Variants in AGAP1 observed in about 807,000 individuals in gnomAD.
The protein encoded by AGAP1 is ArfGAP with GTPase domain, ankyrin repeat and PH domain 1.
In AGAP1, 29 loss-of-function variants were observed where a neutral mutation model predicts 105.3. The observed-to-expected ratio is 0.28, with a 90% CI of 0.21 to 0.38. The LOEUF is 0.38. Among genes scored for constraint, AGAP1 ranks in the 10% least tolerant of loss-of-function variants. The pLI, the probability that AGAP1 is intolerant of heterozygous loss-of-function variation, is 1.00. For missense variants in AGAP1, 998 were observed against 1,165.1 expected (o/e 0.86, Z 2.09); for synonymous variants, 509 against 485.9 (o/e 1.05, Z -0.63).
In AGAP1 at chr2:235,901,869, A is replaced by G. The variant is rs960535123; in HGVS notation, c.1156-6869A>G. On this transcript the variant is annotated intron_variant, in intron 10 of 17. Transcript: ENST00000304032. The surrounding 1 kb of genome is among the most constrained non-coding windows in gnomAD (Gnocchi z 4.3). ...ACTCCAGCCTGGGCGACAGAGTGAGACTCCGTCTCGGAAAAAAAAAAAAAA... is the reference window on the plus strand; with the variant it reads ...ACTCCAGCCTGGGCGACAGAGTGAGGCTCCGTCTCGGAAAAAAAAAAAAAA... Among the ~76,000 whole-genome samples, 10 of 127,650 alleles carry G rather than the reference A, an allele frequency of 7.8e-5. No homozygotes were observed. The South Asian group carries it at 9.4e-4, about 12-fold the overall frequency. 83.7% of individuals were successfully genotyped at this position (127,650 alleles called of 152,430 possible). A position where few individuals can be genotyped will look rare whatever the true frequency, so the allele number is the denominator to read the frequency against.
chr2:236,037,751 C>A (rs1438565889), intron 14 of AGAP1, among the ~76,000 whole-genome samples: 1 of 152,144 alleles, frequency 6.6e-6, no homozygotes, highest in Non-Finnish European at 1.5e-5. Flanking sequence ...GTTCCTTCTA[C>A]AAAAGTCCTT....
chr2:235,958,948 T>G lies in AGAP1; in HGVS notation c.1484-9514T>G, dbSNP rs116764591. On this transcript the variant is annotated intron_variant, in intron 12 of 17. Transcript: ENST00000304032. The surrounding 1 kb of genome is among the most constrained non-coding windows in gnomAD (Gnocchi z 4.1). Reference sequence around the variant, plus strand: ...ATTATTGCTCGTATTATATATTTTTTGGGGTGTGCGTTGAACATTGATGCC... The same window carrying G: ...ATTATTGCTCGTATTATATATTTTTGGGGGTGTGCGTTGAACATTGATGCC... Among the ~76,000 whole-genome samples, 29 of 152,326 alleles carry G rather than the reference T, an allele frequency of 1.9e-4. No individual in the cohort carries two copies. Among genetic ancestry groups the G allele is most frequent in the African/African-American group, 5.8e-4 (24 of 41,584 alleles).
chr2:235,741,223 A>AT lies in AGAP1; in HGVS notation c.396+182dup, dbSNP rs1200112690. Among the ~76,000 whole-genome samples, 2 of 151,586 alleles carry AT rather than the reference A, an allele frequency of 1.3e-5. No individual in the cohort carries two copies. The highest frequency in any genetic ancestry group is 2.9e-5 in the Non-Finnish European group (2 of 67,878). On this transcript the variant is annotated intron_variant, in intron 4 of 17. Coordinates refer to ENST00000304032, the MANE Select transcript of AGAP1 (RefSeq NM_001037131.3). The surrounding 1 kb of genome is among the most constrained non-coding windows in gnomAD (Gnocchi z 4.9). ...TCTCTAAGAAGCTAATTCTTTTTTT[A>AT]TTTTTTTCCCAGACTAAATCCTGCA...
Position 236,123,718 on chromosome 2 carries a change from T to A in AGAP1, c.2371-201T>A, listed in dbSNP as rs553570655. Among the ~76,000 whole-genome samples, 1 of 152,190 alleles carries A rather than the reference T, an allele frequency of 6.6e-6. No individual in the cohort carries two copies. The highest frequency in any genetic ancestry group is 2.1e-4 in the South Asian group (1 of 4,808). ...GGCTTTCAGTTGAAAAAAAAAGACA[T>A]GTTCTTTCCTTAAAAGAATCCGCTG... On this transcript the variant is annotated intron_variant, in intron 17 of 17. Transcript: ENST00000304032. The surrounding 1 kb of genome is among the most constrained non-coding windows in gnomAD (Gnocchi z 4.6).
intron 12 of AGAP1, among the ~76,000 whole-genome samples, chr2:235,943,986 TCA>T (rs2053381188): frequency 1.3e-5 from 2 of 152,326 alleles, no homozygotes; most frequent in South Asian, 4.1e-4. Context: ...AAATTTTATA[TCA>T]CACAGAAGCA....
Position 235,701,117 on chromosome 2 carries a change from A to G in AGAP1, c.164-8062A>G, listed in dbSNP as rs1215226141. 1.4e-5 allele frequency among the ~76,000 whole-genome samples: 2 copies of G among 147,488 alleles called. No homozygotes were observed. Among genetic ancestry groups the G allele is most frequent in the East Asian group, 2.0e-4 (1 of 5,110 alleles). ...TACTCTATAATATAGTTATATGTACATATTATATATTATGTATATATGATA... is the reference window on the plus strand; with the variant it reads ...TACTCTATAATATAGTTATATGTACGTATTATATATTATGTATATATGATA... On this transcript the variant is annotated intron_variant, in intron 1 of 17. Coordinates refer to ENST00000304032, the MANE Select transcript of AGAP1 (RefSeq NM_001037131.3). The surrounding 1 kb of genome is among the most constrained non-coding windows in gnomAD (Gnocchi z 4.1).
Position 236,055,781 on chromosome 2 carries a change from AC to A in AGAP1, c.2114+6501del, listed in dbSNP as rs949485816. Among the ~76,000 whole-genome samples the A allele has an allele frequency of 2.6e-5, 4 of 152,318 alleles. No individual in the cohort carries two copies. Among genetic ancestry groups the A allele is most frequent in the African/African-American group, 9.6e-5 (4 of 41,572 alleles). On this transcript the variant is annotated intron_variant, in intron 16 of 17. Coordinates refer to ENST00000304032, the MANE Select transcript of AGAP1 (RefSeq NM_001037131.3). The surrounding 1 kb of genome is among the most constrained non-coding windows in gnomAD (Gnocchi z 6.2). ...CAGCTGCTCAGGGACCTCAGCCCTT[AC>A]TTAAGATATTTTAGCAACTTCTCTT... is the stretch of plus-strand genomic sequence containing the variant.
rs1441476661 is a variant in AGAP1 at position 235,732,824 on chromosome 2, A to T, written c.311-8139A>T. Among the ~76,000 whole-genome samples, 1 of 152,018 alleles carries T rather than the reference A, an allele frequency of 6.6e-6. No homozygotes were observed. Among genetic ancestry groups the T allele is most frequent in the South Asian group, 2.1e-4 (1 of 4,820 alleles). Reference sequence around the variant, plus strand: ...GGTGGGAGAAGGTGAGGGAGAGGAGATGCTCTCATCCTGAGTGTCCTGGAC... The same window carrying T: ...GGTGGGAGAAGGTGAGGGAGAGGAGTTGCTCTCATCCTGAGTGTCCTGGAC... On this transcript the variant is annotated intron_variant, in intron 3 of 17. Coordinates refer to ENST00000304032, the MANE Select transcript of AGAP1 (RefSeq NM_001037131.3). This position sits in a 1 kb window ranked among gnomAD's most constrained non-coding sequence, Gnocchi z 4.8.
chr2:235,727,468 A>G (rs1029433590), intron 3 of AGAP1, among the ~76,000 whole-genome samples: 2 of 152,158 alleles, frequency 1.3e-5, no homozygotes, highest in African/African-American at 4.8e-5. Flanking sequence ...ATTCACCCCA[A>G]AGCTACCTCT....
At chr2:235,968,163 C>T (rs2054484168) in intron 12 of AGAP1, among the ~76,000 whole-genome samples, 1 of 152,166 alleles carries the variant, frequency 6.6e-6, no homozygotes, top group Non-Finnish European at 1.5e-5. Context: ...TCACCCCTTT[C>T]CTTTTGCAGA....
At chr2:235,944,482 A>T (rs1246239677) in intron 12 of AGAP1, among the ~76,000 whole-genome samples, 1 of 152,262 alleles carries the variant, frequency 6.6e-6, no homozygotes, top group Non-Finnish European at 1.5e-5. Flanking sequence ...GAATCAGAAA[A>T]TTCCATCTAC....
intron 9 of AGAP1, among the ~76,000 whole-genome samples, chr2:235,869,924 G>C (rs80282622): frequency 0.03 from 4,597 of 152,274 alleles, 178 homozygotes; most frequent in South Asian, 0.086. Context: ...AGGCTTCCCA[G>C]GGGTGTAAAG....
chr2:235,922,561 T>C (rs1292271353), intron 11 of AGAP1, among the ~76,000 whole-genome samples: 2 of 152,240 alleles, frequency 1.3e-5, no homozygotes, highest in African/African-American at 2.4e-5. Context: ...TATTTTGTTA[T>C]TGTTATTGTA....
chr2:235,917,940 T>C (rs961643909), intron 11 of AGAP1, among the ~76,000 whole-genome samples: 22 of 152,156 alleles, frequency 1.4e-4, no homozygotes, highest in Non-Finnish European at 2.8e-4. Flanking sequence ...TAAAAAAAAA[T>C]AACGTGACAT....
chr2:236,111,458 T>C (rs1160251160), intron 16 of AGAP1, among the ~76,000 whole-genome samples: 1 of 151,036 alleles, frequency 6.6e-6, no homozygotes, highest in Non-Finnish European at 1.5e-5. Flanking sequence ...TCCAGCCTGC[T>C]CAAACCCAGC....
In AGAP1 at chr2:235,751,358, TA is replaced by T. The variant is rs1953420200; in HGVS notation, c.673+873del. ...TGTAGGGTCCTCTCCCCTTCTGGTT[TA>T]AATCCATGGGGGCAGAGCCACCTGT... On this transcript the variant is annotated intron_variant, in intron 6 of 17. Coordinates refer to ENST00000304032, the MANE Select transcript of AGAP1 (RefSeq NM_001037131.3). This position sits in a 1 kb window ranked among gnomAD's most constrained non-coding sequence, Gnocchi z 5.3. Among the ~76,000 whole-genome samples, 1 of 152,038 alleles carries T rather than the reference TA, an allele frequency of 6.6e-6. No individual in the cohort carries two copies. Among genetic ancestry groups the T allele is most frequent in the African/African-American group, 2.4e-5 (1 of 41,388 alleles).
At chr2:235,785,907 T>A (rs576947639) in intron 6 of AGAP1, among the ~76,000 whole-genome samples, 102 of 152,006 alleles carry the variant, frequency 6.7e-4, no homozygotes, top group African/African-American at 2.2e-3. Flanking sequence ...TTGGGCCTTT[T>A]AAAAAAAACG....
chr2:235,902,781 A>G (rs927557239), intron 10 of AGAP1, among the ~76,000 whole-genome samples: 24 of 152,000 alleles, frequency 1.6e-4, no homozygotes, highest in Admixed American at 1.0e-3. Flanking sequence ...GACAACCATC[A>G]CCCTCCGGTA....
At position 235,639,631 on chromosome 2, in the gene AGAP1, C is replaced by A. The variant is rs1193311004; in HGVS notation, c.164-69548C>A. On this transcript the variant is annotated intron_variant, in intron 1 of 17. Coordinates refer to ENST00000304032, the MANE Select transcript of AGAP1 (RefSeq NM_001037131.3). This position sits in a 1 kb window ranked among gnomAD's most constrained non-coding sequence, Gnocchi z 5.3. ...CAAGCTGCCTGCTGTGTTTCTGGTG[C>A]CCAAATGTTCTGGGCACACTGTTGT... Among the ~76,000 whole-genome samples the A allele has an allele frequency of 6.6e-6, 1 of 152,112 alleles. No individual in the cohort carries two copies. Among genetic ancestry groups the A allele is most frequent in the Non-Finnish European group, 1.5e-5 (1 of 68,026 alleles).
Sources: allele counts gnomAD v4.1 joint callset (sites outside exome capture counted in the v4.1 genomes callset), GRCh38; gene constraint gnomAD v4.1.1; non-coding constraint Gnocchi (gnomAD v3.1); transcripts MANE v1.5; gene names NCBI Gene and HGNC (gene_info 2026-07-23, HGNC 2026-07-21).